Variants in TNKS observed in about 807,000 individuals in gnomAD.
TNKS encodes the protein poly [ADP-ribose] polymerase tankyrase-1.
A neutral mutation model predicts 135.8 loss-of-function variants in TNKS; 72 were observed. The ratio of observed to expected loss-of-function variants is 0.53; its 90% CI spans 0.44 to 0.64. The LOEUF (loss-of-function observed/expected upper bound fraction) is 0.64, where lower values mean the gene tolerates loss of function less well. TNKS is among the 30% of genes least tolerant of loss of function. The probability of loss-of-function intolerance (pLI) is 0.00; values close to 1 mark genes in which losing one functional copy is unlikely to be tolerated. For missense variants in TNKS, 1,769 were observed against 1,674.0 expected, an observed-to-expected ratio of 1.06 and a Z score of -0.99; for synonymous variants, 849 against 649.3, an observed-to-expected ratio of 1.31 and a Z score of -4.68.
chr8:9,658,245 C>T (rs1470299364), intron 3 of TNKS: 29 of 346,366 alleles, frequency 8.4e-5, no homozygotes, highest in Admixed American at 8.0e-4. Flanking sequence ...GGGTGGCAGC[C>T]GGGCAGAGGC....
intron 3 of TNKS, among the ~76,000 whole-genome samples, chr8:9,675,723 C>T (rs894711016): frequency 3.9e-5 from 6 of 152,280 alleles, no homozygotes; most frequent in African/African-American, 1.4e-4. Flanking sequence ...CTTTTGCTTA[C>T]ATGTCTTTTT....
chr8:9,738,889 G>A (rs1356662134), intron 17 of TNKS, among the ~76,000 whole-genome samples: 1 of 146,290 alleles, frequency 6.8e-6, no homozygotes, highest in Non-Finnish European at 1.5e-5. Flanking sequence ...GATTTGGGGT[G>A]GAGAGTTCTG....
At chr8:9,688,828 A>G (rs192938878) in intron 5 of TNKS, among the ~76,000 whole-genome samples, 1,528 of 152,112 alleles carry the variant, frequency 0.01, 24 homozygotes, top group African/African-American at 0.035. Flanking sequence ...TTTAGTAGAG[A>G]TGGCGTTTCA....
chr8:9,707,360 A>T (rs1804097407), intron 8 of TNKS, among the ~76,000 whole-genome samples: 1 of 152,170 alleles, frequency 6.6e-6, no homozygotes, highest in South Asian at 2.1e-4. Context: ...TGGGGCTTAC[A>T]TTCTTGTGCT....
intron 20 of TNKS, among the ~76,000 whole-genome samples, chr8:9,754,087 C>T (rs1806703059): frequency 6.6e-6 from 1 of 152,180 alleles, no homozygotes; most frequent in Non-Finnish European, 1.5e-5. Flanking sequence ...TTGAGGCCAC[C>T]AGTATAATCC....
intron 3 of TNKS, among the ~76,000 whole-genome samples, chr8:9,676,686 C>CTGTGTGTGTGTGTGTG (rs147459978): frequency 3.4e-5 from 5 of 147,780 alleles, no homozygotes; most frequent in African/African-American, 1.3e-4. Flanking sequence ...CTCTCTCTCT[C>CTGTGTGTGTGTGTGTG]TGTGTGTGTG....
Position 9,710,026 on chromosome 8 carries a change from T to C in TNKS, c.1650T>C (p.Asn550=). 1.2e-6 allele frequency: 2 copies of C among 1,614,006 alleles called. No homozygotes were observed. Among genetic ancestry groups the C allele is most frequent in the East Asian group, 2.2e-5 (1 of 44,870 alleles). The change falls in exon 10 of 27, where the codon AAT becomes AAC. Residue 550 remains asparagine (N), a synonymous_variant. Coordinates refer to ENST00000310430, the MANE Select transcript of TNKS (RefSeq NM_003747.3). The stretch of plus-strand genomic sequence containing the variant: ...AATTGTTACTTAGAAAAGGAGCAAA[T>C]GTTAATGAAAAAAATAAAGAGTAAG... ...VTELLLRKGA[N]VNEKNKDFMT... is the part of the protein sequence containing the mutation.
chr8:9,616,218 A>G (rs1439333961), intron 3 of TNKS, among the ~76,000 whole-genome samples: 1 of 152,174 alleles, frequency 6.6e-6, no homozygotes, highest in Non-Finnish European at 1.5e-5. Context: ...AGATAATGCA[A>G]ATTTGTGGCT....
chr8:9,635,999 A>T (rs974197063), intron 3 of TNKS, among the ~76,000 whole-genome samples: 1 of 152,238 alleles, frequency 6.6e-6, no homozygotes, highest in African/African-American at 2.4e-5. Context: ...TACCAGTGTT[A>T]CTTGAATTTA....
chr8:9,645,097 G>A (rs557035681), intron 3 of TNKS, among the ~76,000 whole-genome samples: 1 of 152,086 alleles, frequency 6.6e-6, no homozygotes, highest in Admixed American at 6.6e-5. Context: ...CAGAAAGTTG[G>A]ATGTCACAAG....
At chr8:9,559,685 C>G (rs946809235) in intron 1 of TNKS, among the ~76,000 whole-genome samples, 3 of 152,116 alleles carry the variant, frequency 2.0e-5, no homozygotes, top group African/African-American at 7.2e-5. Flanking sequence ...CTCCCACTTA[C>G]TTAAGTGAGA....
At position 9,763,170 on chromosome 8, in the gene TNKS, C is replaced by A; in HGVS notation, c.3298C>A (p.His1100Asn). 1.3e-6 allele frequency: 2 copies of A among 1,583,596 alleles called. No homozygotes were observed. The highest frequency in any genetic ancestry group is 2.3e-5 in the South Asian group (2 of 86,704). Residue 1100 changes from histidine to asparagine, a missense_variant, in exon 22 of 27, where the codon CAC becomes AAC. Physicochemically the swap from His to Asn is moderately conservative, Grantham distance 68. Coordinates refer to ENST00000310430, the MANE Select transcript of TNKS (RefSeq NM_003747.3). ...QQGTNPYLTF[H>N]CVNQGTILLD... ...AGGCACCAATCCTTATTTGACTTTT[C>A]ACTGTGTTAATCAGGGAACGATTTT...
chr8:9,556,560 A>T lies in TNKS; in HGVS notation c.621A>T (p.Val207=), dbSNP rs373769442. The T allele has an allele frequency of 2.5e-5, 41 of 1,613,994 alleles. No homozygotes were observed. The highest frequency in any genetic ancestry group is 3.1e-5 in the Non-Finnish European group (37 of 1,180,044). ...AGAGGCTGGTGGACGCGGCAAACGTAAATGCAAAGGACATGGCCGGCCGGA... is the reference window on the plus strand; with the variant it reads ...AGAGGCTGGTGGACGCGGCAAACGTTAATGCAAAGGACATGGCCGGCCGGA... The part of the protein sequence containing the change: ...RVKRLVDAAN[V]NAKDMAGRKS... The change falls in exon 1 of 27, where the codon GTA becomes GTT. Residue 207 remains valine, a synonymous_variant. Coordinates refer to ENST00000310430, the MANE Select transcript of TNKS (RefSeq NM_003747.3).
At chr8:9,738,612 T>C (rs1805765282) in intron 17 of TNKS, among the ~76,000 whole-genome samples, 1 of 43,984 alleles carries the variant, frequency 2.3e-5, no homozygotes, top group Non-Finnish European at 4.1e-5. Context: ...TTTGTTCTCA[T>C]TGGTTTCAAA....
intron 5 of TNKS, among the ~76,000 whole-genome samples, chr8:9,689,719 G>GA (rs1270239138): frequency 1.3e-5 from 2 of 152,110 alleles, no homozygotes; most frequent in Non-Finnish European, 2.9e-5. Flanking sequence ...TATCACTTAA[G>GA]GAACTTTGAG....
chr8:9,672,744 C>T (rs896095598), intron 3 of TNKS, among the ~76,000 whole-genome samples: 27 of 149,834 alleles, frequency 1.8e-4, no homozygotes, highest in African/African-American at 6.4e-4. Context: ...ATCCCACTTC[C>T]CCCAGCCCCT....
At chr8:9,775,033 G>C (rs533885208) in intron 26 of TNKS, among the ~76,000 whole-genome samples, 27 of 152,134 alleles carry the variant, frequency 1.8e-4, no homozygotes, top group Non-Finnish European at 3.5e-4. Flanking sequence ...TCTCACACCA[G>C]AGTGTTCTTA....
intron 12 of TNKS, 110 bp downstream of exon 12, chr8:9,720,655 T>G: frequency 7.9e-7 from 1 of 1,262,742 alleles, no homozygotes. Flanking sequence ...TCTCATGTCT[T>G]TTCTTGCAAT....
intron 3 of TNKS, among the ~76,000 whole-genome samples, chr8:9,662,491 A>C (rs1284666631): frequency 1.3e-5 from 2 of 152,176 alleles, no homozygotes; most frequent in African/African-American, 2.4e-5. Flanking sequence ...AAACTATCGC[A>C]AGGACAAAAA....
Sources: allele counts gnomAD v4.1 joint callset (sites outside exome capture counted in the v4.1 genomes callset), GRCh38; gene constraint gnomAD v4.1.1; transcripts MANE v1.5; gene names NCBI Gene and HGNC (gene_info 2026-07-23, HGNC 2026-07-21).